Variants in FBXO25 observed in about 807,000 individuals in gnomAD.
The protein encoded by FBXO25 is F-box only protein 25.
Under a neutral mutation model 51.9 loss-of-function variants are expected in FBXO25, and 45 were observed. That is an observed-to-expected ratio of 0.87 (90% CI 0.68 to 1.11). The LOEUF is 1.11. FBXO25 is among the 50% of genes most tolerant of loss of function. FBXO25 has a pLI of 0.00. For synonymous variants in FBXO25, 199 were observed against 151.0 expected, an observed-to-expected ratio of 1.32 and a Z score of -2.33; for missense variants, 507 against 428.5, an observed-to-expected ratio of 1.18 and a Z score of -1.62.
Position 431,406 on chromosome 8 carries a change from G to C in FBXO25, c.200G>C (p.Arg67Thr). The change falls in exon 3 of 10, where the codon AGG becomes ACG. Residue 67 changes from arginine (R) to threonine (T), a missense_variant. Physicochemically the swap from Arg to Thr is moderately conservative, Grantham distance 71. Coordinates refer to ENST00000350302, the MANE Select transcript of FBXO25 (RefSeq NM_183420.2). ...NEEHEYASKKRKKDHFRNDTN... is the reference protein window; with the variant it reads ...NEEHEYASKKTKKDHFRNDTN... Reference sequence around the variant, plus strand: ...GAGCATGAATATGCATCGAAAAAAAGGAAAAAGGACCATTTTAGAAATGAC... The same window carrying C: ...GAGCATGAATATGCATCGAAAAAAACGAAAAAGGACCATTTTAGAAATGAC... 3 of 1,550,976 alleles carry C rather than the reference G, an allele frequency of 1.9e-6. No homozygotes were observed. The highest frequency in any genetic ancestry group is 2.6e-6 in the Non-Finnish European group (3 of 1,148,756).
chr8:469,427 GGTTCTGGCA>G lies in FBXO25; in HGVS notation c.*625_*633del. The stretch of plus-strand genomic sequence containing the variant: ...TCTGTGCTCCTAGGCATCCAGCACA[GGTTCTGGCA>G]GGGCACCCCTGCTGGGGTTGGGGGC... On this transcript the variant is annotated 3_prime_UTR_variant, in exon 10 of 10. Coordinates refer to ENST00000350302, the MANE Select transcript of FBXO25 (RefSeq NM_183420.2). 1 of 152,518 alleles carries G rather than the reference GGTTCTGGCA, an allele frequency of 6.6e-6. No homozygotes were observed. Among genetic ancestry groups the G allele is most frequent in the Non-Finnish European group, 1.5e-5 (1 of 68,218 alleles). 9.4% of individuals were successfully genotyped at this position (152,518 alleles called of 1,614,324 possible). A position where few individuals can be genotyped will look rare whatever the true frequency, so the allele number is the denominator to read the frequency against.
intron 2 of FBXO25, among the ~76,000 whole-genome samples, chr8:414,183 T>G (rs1049363859): frequency 6.6e-6 from 1 of 152,242 alleles, no homozygotes; most frequent in Non-Finnish European, 1.5e-5. Context: ...ACATAATATT[T>G]TTAAACTTAT....
intron 9 of FBXO25, among the ~76,000 whole-genome samples, chr8:463,371 C>T (rs1055034372): frequency 6.6e-6 from 1 of 152,144 alleles, no homozygotes; most frequent in Non-Finnish European, 1.5e-5. Context: ...CTCCTTTTTG[C>T]AGAAGTTAGC....
In FBXO25 at chr8:450,096, C is replaced by A. The variant is rs753765477; in HGVS notation, c.475+13C>A. 3 of 1,577,634 alleles carry A rather than the reference C, an allele frequency of 1.9e-6. No homozygotes were observed. Among genetic ancestry groups the A allele is most frequent in the East Asian group, 2.2e-5 (1 of 44,548 alleles). On this transcript the variant is annotated intron_variant, in intron 6 of 9. Coordinates refer to ENST00000350302, the MANE Select transcript of FBXO25 (RefSeq NM_183420.2). ...ATCGTTCAAAAGGGTAAGATGATCACTGTATTTTTAATACTCTAAATCTTA... is the reference window on the plus strand; with the variant it reads ...ATCGTTCAAAAGGGTAAGATGATCAATGTATTTTTAATACTCTAAATCTTA...
intron 7 of FBXO25, among the ~76,000 whole-genome samples, chr8:451,970 T>A (rs1799127768): frequency 6.6e-6 from 1 of 152,238 alleles, no homozygotes; most frequent in South Asian, 2.1e-4. Flanking sequence ...AGAATAATGT[T>A]AACACCATTG....
At chr8:425,586 A>G (rs1563069736) in intron 2 of FBXO25, among the ~76,000 whole-genome samples, 2 of 150,732 alleles carry the variant, frequency 1.3e-5, no homozygotes, top group Non-Finnish European at 3.0e-5. Flanking sequence ...TTTCAGTTAT[A>G]TGTTTAAATA....
At chr8:444,357 A>G (rs984599010) in intron 5 of FBXO25, among the ~76,000 whole-genome samples, 5 of 152,206 alleles carry the variant, frequency 3.3e-5, no homozygotes, top group African/African-American at 7.2e-5. Context: ...TGCAGTGCCA[A>G]TTTACTCCCA....
intron 2 of FBXO25, among the ~76,000 whole-genome samples, chr8:426,838 G>A (rs1214491348): frequency 7.4e-6 from 1 of 135,820 alleles, no homozygotes; most frequent in South Asian, 2.5e-4. Flanking sequence ...GTCGCCCTCT[G>A]CTCTGCTGCT....
chr8:428,379 G>A (rs1211962739), intron 2 of FBXO25, among the ~76,000 whole-genome samples: 1 of 152,086 alleles, frequency 6.6e-6, no homozygotes, highest in Non-Finnish European at 1.5e-5. Context: ...TTTGTGCCCT[G>A]TATTTTCCGC....
At chr8:440,754 C>T (rs1349976468) in intron 5 of FBXO25, among the ~76,000 whole-genome samples, 8 of 151,376 alleles carry the variant, frequency 5.3e-5, no homozygotes, top group African/African-American at 1.5e-4. Context: ...CACCCCCCGA[C>T]AGGCCCTGGT....
At chr8:467,637 C>A in intron 9 of FBXO25, 1 of 1,371,010 alleles carries the variant, frequency 7.3e-7, no homozygotes, top group Non-Finnish European at 1.0e-6. Context: ...TAGATACACT[C>A]TGGCTCTTTC....
rs929538095 is a variant in FBXO25, at chr8:474,792, T to C, written c.*5988T>C. On this transcript the variant is annotated 3_prime_UTR_variant, in exon 10 of 10. Transcript: ENST00000350302. ...AAAATACTTTGTCCCATTCCGTGGATTGCCTTTCACTCTGTTTTGTTCTTT... is the reference window on the plus strand; with the variant it reads ...AAAATACTTTGTCCCATTCCGTGGACTGCCTTTCACTCTGTTTTGTTCTTT... 4.4e-6 allele frequency: 2 copies of C among 454,716 alleles called. No individual in the cohort carries two copies. Among genetic ancestry groups the C allele is most frequent in the South Asian group, 3.1e-5 (2 of 64,038 alleles). The allele number at this position is 454,716 out of a possible 1,614,324, so 28.2% of individuals were successfully genotyped here. A position where few individuals can be genotyped will look rare whatever the true frequency, so the allele number is the denominator to read the frequency against.
intron 6 of FBXO25, 29 bp downstream of exon 6, chr8:450,112 C>CT: frequency 3.3e-6 from 5 of 1,502,818 alleles, no homozygotes; most frequent in Admixed American, 1.8e-5. Flanking sequence ...TTTTAATACT[C>CT]TAAATCTTAA....
rs551325322 is a variant in FBXO25, at chr8:475,472, G to C, written c.*6668G>C. On this transcript the variant is annotated 3_prime_UTR_variant, in exon 10 of 10. Coordinates refer to ENST00000350302, the MANE Select transcript of FBXO25 (RefSeq NM_183420.2). ...TCAGGATGGAAAAAAAAAAGCCACT[G>C]GGATATTCTGATAGAGATTGCATGA... The C allele has an allele frequency of 6.5e-6, 1 of 153,330 alleles. No individual in the cohort carries two copies. Among genetic ancestry groups the C allele is most frequent in the African/African-American group, 2.4e-5 (1 of 41,386 alleles). The allele number at this position is 153,330 out of a possible 1,614,324, so 9.5% of individuals were successfully genotyped here.
intron 2 of FBXO25, among the ~76,000 whole-genome samples, chr8:423,764 G>T (rs1210181349): frequency 6.6e-6 from 1 of 152,196 alleles, no homozygotes; most frequent in African/African-American, 2.4e-5. Flanking sequence ...AGGAGTGCCT[G>T]TGTCTTTTTG....
chr8:449,992 G>A lies in FBXO25; in HGVS notation c.384G>A (p.Leu128=), dbSNP rs377735335. ...DIRRFNYVVK[L]LQLIAKSQLT... Reference sequence around the variant, plus strand: ...CTTTTTTCCGTCTTTCCTTTAAGCTGTTGCAGCTAATTGCAAAATCCCAGT... The same window carrying A: ...CTTTTTTCCGTCTTTCCTTTAAGCTATTGCAGCTAATTGCAAAATCCCAGT... Residue 128 remains leucine, a splice_region_variant and synonymous_variant, in exon 6 of 10, where the codon CTG becomes CTA. Transcript: ENST00000350302. The A allele has an allele frequency of 1.1e-5, 17 of 1,607,770 alleles. No individual in the cohort carries two copies. The African/African-American group carries it at 1.9e-4, about 18-fold the overall frequency.
rs1278443263 is a variant in FBXO25 at position 468,746 on chromosome 8, C to G, written c.1019C>G (p.Pro340Arg). The change falls in exon 10 of 10, where the codon CCT becomes CGT. Residue 340 changes from proline to arginine, a missense_variant. Physicochemically the swap from Pro to Arg is moderately radical, Grantham distance 103. Coordinates refer to ENST00000350302, the MANE Select transcript of FBXO25 (RefSeq NM_183420.2). ...DSGHPCTAADPDSCFTPVSPQ... is the reference protein window; with the variant it reads ...DSGHPCTAADRDSCFTPVSPQ... Reference sequence around the variant, plus strand: ...GGACACCCCTGCACGGCGGCCGACCCTGACAGCTGCTTCACGCCTGTGTCT... The same window carrying G: ...GGACACCCCTGCACGGCGGCCGACCGTGACAGCTGCTTCACGCCTGTGTCT... 2.5e-6 allele frequency: 4 copies of G among 1,613,926 alleles called. No individual in the cohort carries two copies. In the African/African-American group the frequency reaches 4.0e-5, roughly 16 times the overall value.
At chr8:463,194 G>T (rs752188944) in intron 9 of FBXO25, 44 bp downstream of exon 9, 1 of 1,594,814 alleles carries the variant, frequency 6.3e-7, no homozygotes, top group Non-Finnish European at 8.5e-7. Context: ...ATTAAATTTT[G>T]GTGAAACAAA....
intron 2 of FBXO25, among the ~76,000 whole-genome samples, chr8:423,188 A>T (rs900544851): frequency 6.6e-6 from 1 of 151,000 alleles, no homozygotes; most frequent in African/African-American, 2.4e-5. Context: ...TTCCCTCATC[A>T]CACTGATGTA....
Sources: allele counts gnomAD v4.1 joint callset (sites outside exome capture counted in the v4.1 genomes callset), GRCh38; gene constraint gnomAD v4.1.1; transcripts MANE v1.5; gene names NCBI Gene and HGNC (gene_info 2026-07-23, HGNC 2026-07-21).